Variants in KATNAL2 observed in about 807,000 individuals in gnomAD.
The protein encoded by KATNAL2 is katanin p60 ATPase-containing subunit A-like 2.
A neutral mutation model predicts 76.3 loss-of-function variants in KATNAL2; 52 were observed. The observed-to-expected ratio is 0.68, with a 90% CI of 0.55 to 0.86. The LOEUF (loss-of-function observed/expected upper bound fraction) is 0.86, where lower values mean the gene tolerates loss of function less well. KATNAL2 is among the 40% of genes least tolerant of loss of function. The pLI, the probability that KATNAL2 is intolerant of heterozygous loss-of-function variation, is 0.00. For missense variants in KATNAL2, 660 were observed against 668.9 expected (o/e 0.99, Z 0.15); for synonymous variants, 243 against 244.2 (o/e 1.00, Z 0.05).
At chr18:46,930,442 A>C (rs1004903526) in intron 1 of KATNAL2, among the ~76,000 whole-genome samples, 1 of 152,216 alleles carries the variant, frequency 6.6e-6, no homozygotes, top group African/African-American at 2.4e-5. Context: ...TCTTTTTGAC[A>C]TAGATTCATA....
At chr18:46,923,820 G>A (rs530388163) in intron 1 of KATNAL2, among the ~76,000 whole-genome samples, 1 of 152,304 alleles carries the variant, frequency 6.6e-6, no homozygotes, top group East Asian at 1.9e-4. Flanking sequence ...TTTCTCTGAT[G>A]GCCAGTGATG....
chr18:47,041,126 C>T (rs970339378), intron 3 of KATNAL2, among the ~76,000 whole-genome samples: 3 of 152,210 alleles, frequency 2.0e-5, no homozygotes, highest in Non-Finnish European at 4.4e-5. Context: ...ACGTACCTCT[C>T]TGCATGCTCA....
intron 15 of KATNAL2, among the ~76,000 whole-genome samples, chr18:47,080,784 C>T (rs1293576986): frequency 6.6e-6 from 1 of 152,126 alleles, no homozygotes; most frequent in Admixed American, 6.5e-5. Flanking sequence ...CTGAGACAAA[C>T]GATATTGTGC....
chr18:46,942,839 T>G (rs1388018087), intron 1 of KATNAL2, among the ~76,000 whole-genome samples: 2 of 152,082 alleles, frequency 1.3e-5, no homozygotes, highest in African/African-American at 4.8e-5. Context: ...TTTTTTTTTT[T>G]GCATATCTAG....
intron 17 of KATNAL2, 72 bp downstream of exon 17, chr18:47,100,428 T>C: frequency 1.6e-6 from 2 of 1,270,694 alleles, no homozygotes; most frequent in Middle Eastern, 1.9e-4. Context: ...AGATGGAGCC[T>C]GGCGCCTGTT....
chr18:46,931,648 C>CAGAA (rs1339707998), intron 1 of KATNAL2, among the ~76,000 whole-genome samples: 7 of 137,878 alleles, frequency 5.1e-5, no homozygotes, highest in African/African-American at 1.9e-4. Context: ...GCAAGACTGT[C>CAGAA]AGAAAGAAAG....
intron 15 of KATNAL2, among the ~76,000 whole-genome samples, chr18:47,084,687 A>G (rs2062688647): frequency 6.6e-6 from 1 of 151,632 alleles, no homozygotes; most frequent in Admixed American, 6.6e-5. Context: ...TATCTCTACT[A>G]AAAATACAAA....
intron 3 of KATNAL2, chr18:47,032,698 C>T: frequency 4.5e-6 from 2 of 445,514 alleles, no homozygotes; most frequent in East Asian, 4.2e-5. Context: ...AATCTCACAT[C>T]TTTTTCCTTA....
At chr18:47,090,796 G>A (rs2062969021) in intron 15 of KATNAL2, among the ~76,000 whole-genome samples, 2 of 152,142 alleles carry the variant, frequency 1.3e-5, no homozygotes, top group African/African-American at 2.4e-5. Context: ...TCTGAGAATG[G>A]CAAGCAGACC....
At chr18:47,046,656 C>G in intron 4 of KATNAL2, 129 bp downstream of exon 4, 1 of 697,324 alleles carries the variant, frequency 1.4e-6, no homozygotes, top group Non-Finnish European at 2.4e-6. Flanking sequence ...AAAAATCGAG[C>G]AGAAAGTACA....
chr18:47,034,221 CTCTTGAG>C (rs780973236), intron 3 of KATNAL2: 1 of 1,613,944 alleles, frequency 6.2e-7, no homozygotes, highest in East Asian at 2.2e-5. Flanking sequence ...GTGGCTTCCC[CTCTTGAG>C]TCTCTCGGTC....
At chr18:47,067,932 G>A (rs2061864886) in intron 11 of KATNAL2, among the ~76,000 whole-genome samples, 2 of 152,158 alleles carry the variant, frequency 1.3e-5, no homozygotes, top group Admixed American at 1.3e-4. Context: ...GAAAAGGCTG[G>A]GACAAGCAGT....
At position 47,054,464 on chromosome 18, in the gene KATNAL2, A is replaced by T. The variant is rs370716160; in HGVS notation, c.332+26A>T. On this transcript the variant is annotated intron_variant, in intron 6 of 17. Coordinates refer to ENST00000683218, the MANE Select transcript of KATNAL2 (RefSeq NM_001387690.1). ...GTAAAGTGAATGGTAATTCTTCTTA[A>T]TCGACTCGGCTCGAGGAGCTTGTGG... is the stretch of plus-strand genomic sequence containing the variant. 40 of 1,607,720 alleles carry T rather than the reference A, an allele frequency of 2.5e-5. No individual in the cohort carries two copies. The Middle Eastern group carries it at 2.6e-3, about 106-fold the overall frequency.
intron 1 of KATNAL2, among the ~76,000 whole-genome samples, chr18:46,919,443 GCCATTGCA>G (rs1343307382): frequency 7.3e-5 from 11 of 151,366 alleles, no homozygotes; most frequent in Non-Finnish European, 1.5e-4. Context: ...CGGAGATAGC[GCCATTGCA>G]CTCCAGCCTG....
At chr18:47,096,410 C>T (rs1392333716) in intron 15 of KATNAL2, among the ~76,000 whole-genome samples, 9 of 151,990 alleles carry the variant, frequency 5.9e-5, no homozygotes, top group Non-Finnish European at 1.2e-4. Context: ...AGTATGATCT[C>T]GGCTCACTAC....
intron 15 of KATNAL2, among the ~76,000 whole-genome samples, chr18:47,091,696 G>A (rs2063007299): frequency 6.6e-6 from 1 of 152,166 alleles, no homozygotes; most frequent in Non-Finnish European, 1.5e-5. Context: ...AATCAATACA[G>A]ACATCTGTAG....
At chr18:46,927,094 A>G (rs2058751702) in intron 1 of KATNAL2, among the ~76,000 whole-genome samples, 1 of 152,118 alleles carries the variant, frequency 6.6e-6, no homozygotes, top group African/African-American at 2.4e-5. Context: ...ATTTAAAGTT[A>G]ATATTGTTAT....
At chr18:47,031,278 G>T (rs551398992) in intron 3 of KATNAL2, among the ~76,000 whole-genome samples, 3 of 151,918 alleles carry the variant, frequency 2.0e-5, no homozygotes, top group Non-Finnish European at 2.9e-5. Context: ...TTGGGCAGCG[G>T]AGTTCCACTC....
At chr18:47,057,475 C>G (rs976544999) in intron 6 of KATNAL2, among the ~76,000 whole-genome samples, 2 of 152,186 alleles carry the variant, frequency 1.3e-5, no homozygotes, top group Non-Finnish European at 1.5e-5. Context: ...ACATATATAA[C>G]TATGTATACA....
Sources: allele counts gnomAD v4.1 joint callset (sites outside exome capture counted in the v4.1 genomes callset), GRCh38; gene constraint gnomAD v4.1.1; transcripts MANE v1.5; gene names NCBI Gene and HGNC (gene_info 2026-07-23, HGNC 2026-07-21).